TATDN2: variants seen among roughly 807,000 people sequenced by gnomAD.
TATDN2 encodes 3'-5' RNA nuclease TATDN2.
TATDN2 carries 44 observed loss-of-function variants against 60.3 expected under a neutral mutation model. That is an observed-to-expected ratio of 0.73 (90% CI 0.57 to 0.94). TATDN2 has a LOEUF of 0.94. Ranked by LOEUF, TATDN2 falls within the 40% of genes least tolerant of loss-of-function variation. TATDN2 has a pLI of 0.00. For synonymous variants in TATDN2, 399 were observed against 355.8 expected, an observed-to-expected ratio of 1.12 and a Z score of -1.37; for missense variants, 997 against 948.0, an observed-to-expected ratio of 1.05 and a Z score of -0.68.
At chr3:10,266,546 G>A (rs1349909222) in intron 3 of TATDN2, among the ~76,000 whole-genome samples, 1 of 152,202 alleles carries the variant, frequency 6.6e-6, no homozygotes, top group Non-Finnish European at 1.5e-5. Flanking sequence ...CTTCCTGTGT[G>A]TAAAATGGGC....
intron 2 of TATDN2, among the ~76,000 whole-genome samples, chr3:10,254,713 A>G (rs1164935403): frequency 6.6e-6 from 1 of 152,170 alleles, no homozygotes; most frequent in East Asian, 1.9e-4. Context: ...GAAATCCTTC[A>G]GGCTACTGGT....
chr3:10,274,211 A>G (rs1698603978), intron 4 of TATDN2, among the ~76,000 whole-genome samples: 1 of 152,138 alleles, frequency 6.6e-6, no homozygotes, highest in Non-Finnish European at 1.5e-5. Flanking sequence ...CTGCATTCTA[A>G]TGAGTTCTTC....
chr3:10,280,734 C>G lies in TATDN2; in HGVS notation c.*1552C>G, dbSNP rs1320690652. 1 of 153,820 alleles carries G rather than the reference C, an allele frequency of 6.5e-6. No individual in the cohort carries two copies. Among genetic ancestry groups the G allele is most frequent in the Non-Finnish European group, 1.5e-5 (1 of 68,096 alleles). 9.5% of individuals were successfully genotyped at this position (153,820 alleles called of 1,614,324 possible). On this transcript the variant is annotated 3_prime_UTR_variant, in exon 8 of 8. Transcript: ENST00000448281. The stretch of plus-strand genomic sequence containing the variant: ...TGTCCGTCTTCACGGATTAGCTGTG[C>G]TGTTATGTTGTCTGTGCTGCAGATT...
chr3:10,262,527 CTTTTTTTT>C (rs60747520), intron 3 of TATDN2, among the ~76,000 whole-genome samples: 13 of 59,984 alleles, frequency 2.2e-4, no homozygotes, highest in South Asian at 7.2e-4. Flanking sequence ...TTCTTCTGGG[CTTTTTTTT>C]TTTTTTTTTT....
intron 2 of TATDN2, among the ~76,000 whole-genome samples, chr3:10,249,977 A>G (rs1311082113): frequency 6.6e-6 from 1 of 152,130 alleles, no homozygotes; most frequent in African/African-American, 2.4e-5. Context: ...CCCGTTGGAG[A>G]ATCACTGCAG....
In TATDN2 at chr3:10,260,393, C is replaced by G. The variant is rs764868389; in HGVS notation, c.671C>G (p.Pro224Arg). The change falls in exon 3 of 8, where the codon CCA becomes CGA. Residue 224 changes from proline to arginine, a missense_variant. Transcript: ENST00000448281. ...AAEHPSHGEG[P>R]ARSEGPAKTA... Reference sequence around the variant, plus strand: ...GAGCATCCCAGCCATGGAGAAGGACCAGCCAGGAGTGAAGGACCAGCCAAG... The same window carrying G: ...GAGCATCCCAGCCATGGAGAAGGACGAGCCAGGAGTGAAGGACCAGCCAAG... The G allele has an allele frequency of 1.2e-6, 2 of 1,613,562 alleles. No individual in the cohort carries two copies. Among genetic ancestry groups the G allele is most frequent in the Non-Finnish European group, 1.7e-6 (2 of 1,179,914 alleles).
In TATDN2 at chr3:10,260,548, G is replaced by T; in HGVS notation, c.826G>T (p.Val276Phe). 6.2e-7 allele frequency: 1 copy of T among 1,614,188 alleles called. No homozygotes were observed. The highest frequency in any genetic ancestry group is 1.1e-5 in the South Asian group (1 of 91,074). The change falls in exon 3 of 8, where the codon GTT (valine) becomes TTT (phenylalanine). Residue 276 changes from valine (V) to phenylalanine (F), a missense_variant. By Grantham distance (50) the Val-to-Phe change is conservative. Coordinates refer to ENST00000448281, the MANE Select transcript of TATDN2 (RefSeq NM_014760.4). ...ERSSFYDRRV[V>F]IDPQEKPSEE... ...GAGCAGCTTCTATGACAGGAGAGTA[G>T]TTATAGACCCTCAAGAGAAACCCAG...
chr3:10,252,024 T>A (rs1158241211), intron 2 of TATDN2, among the ~76,000 whole-genome samples: 2 of 151,320 alleles, frequency 1.3e-5, no homozygotes, highest in Admixed American at 6.6e-5. Context: ...GGCGGGTGCC[T>A]GTAGTCCCAG....
chr3:10,265,635 T>C (rs900458944), intron 3 of TATDN2, among the ~76,000 whole-genome samples: 1 of 141,688 alleles, frequency 7.1e-6, no homozygotes, highest in Non-Finnish European at 1.5e-5. Context: ...TGAGCTGAGA[T>C]TGCACCACTG....
At chr3:10,255,739 T>G (rs1419393790) in intron 2 of TATDN2, among the ~76,000 whole-genome samples, 2 of 152,094 alleles carry the variant, frequency 1.3e-5, no homozygotes, top group Non-Finnish European at 2.9e-5. Context: ...GCTGGGAGTT[T>G]AAAACCAGCT....
In TATDN2 at chr3:10,272,918, G is replaced by T. The variant is rs151759; in HGVS notation, c.1833+1903G>T. On this transcript the variant is annotated intron_variant, in intron 4 of 7. Transcript: ENST00000448281. Reference sequence around the variant, plus strand: ...GCTGGGTGTGATGGTACATGCCTGGGGTCCCAGCTACTCAGGAGGCTGAGG... The same window carrying T: ...GCTGGGTGTGATGGTACATGCCTGGTGTCCCAGCTACTCAGGAGGCTGAGG... Among the ~76,000 whole-genome samples, 256 of 151,358 alleles carry T rather than the reference G, an allele frequency of 1.7e-3. 1 individual carries two copies. Among genetic ancestry groups the T allele is most frequent in the African/African-American group, 6.0e-3 (246 of 41,164 alleles).
At chr3:10,262,197 T>TCA (rs879279835) in intron 3 of TATDN2, among the ~76,000 whole-genome samples, 6 of 152,230 alleles carry the variant, frequency 3.9e-5, no homozygotes, top group African/African-American at 1.4e-4. Context: ...TCTGTTGTCC[T>TCA]GCTCTGGTCT....
chr3:10,255,143 G>A (rs546261331), intron 2 of TATDN2, among the ~76,000 whole-genome samples: 1 of 151,520 alleles, frequency 6.6e-6, no homozygotes, highest in African/African-American at 2.4e-5. Context: ...CCAAGTAGCT[G>A]GGACTACAGG....
intron 7 of TATDN2, 46 bp from the exon 8 acceptor site, chr3:10,279,175 A>T: frequency 8.7e-7 from 1 of 1,148,408 alleles, no homozygotes; most frequent in East Asian, 2.6e-5. Context: ...ATTTGTTTTG[A>T]GTGACATGGT....
intron 2 of TATDN2, among the ~76,000 whole-genome samples, chr3:10,257,359 G>T (rs186193201): frequency 0.01 from 1,524 of 147,572 alleles, 26 homozygotes; most frequent in African/African-American, 0.035. Flanking sequence ...GGCTGAGCGC[G>T]GTGGCTCACA....
intron 5 of TATDN2, 97 bp downstream of exon 5, chr3:10,276,585 T>C: frequency 6.9e-7 from 1 of 1,455,438 alleles, no homozygotes; most frequent in Non-Finnish European, 9.1e-7. Flanking sequence ...TTATACACTA[T>C]CTATTCTTTT....
chr3:10,256,824 C>T (rs868031942), intron 2 of TATDN2, among the ~76,000 whole-genome samples: 6 of 151,466 alleles, frequency 4.0e-5, no homozygotes, highest in South Asian at 2.1e-4. Context: ...CAAAATGGGA[C>T]GGAGGCAAGG....
Position 10,278,244 on chromosome 3 carries a change from C to A in TATDN2, c.1962-35C>A. Reference sequence around the variant, plus strand: ...GAGCTGGGGGCTGCTGCAGAGGGGACTGTGAGCAGCCCTGATGTGGAGTTC... The same window carrying A: ...GAGCTGGGGGCTGCTGCAGAGGGGAATGTGAGCAGCCCTGATGTGGAGTTC... On this transcript the variant is annotated intron_variant, in intron 5 of 7. Coordinates refer to ENST00000448281, the MANE Select transcript of TATDN2 (RefSeq NM_014760.4). This position sits in a 1 kb window ranked among gnomAD's most constrained non-coding sequence, Gnocchi z 4.7. 6.3e-7 allele frequency: 1 copy of A among 1,597,360 alleles called. No homozygotes were observed. The highest frequency in any genetic ancestry group is 1.1e-5 in the South Asian group (1 of 89,500).
intron 4 of TATDN2, among the ~76,000 whole-genome samples, chr3:10,274,928 C>T (rs964354238): frequency 1.3e-5 from 2 of 151,950 alleles, no homozygotes; most frequent in African/African-American, 4.8e-5. Flanking sequence ...AATTATGTTC[C>T]ACAGTTGTAG....
Sources: allele counts gnomAD v4.1 joint callset (sites outside exome capture counted in the v4.1 genomes callset), GRCh38; gene constraint gnomAD v4.1.1; non-coding constraint Gnocchi (gnomAD v3.1); transcripts MANE v1.5; gene names NCBI Gene and HGNC (gene_info 2026-07-23, HGNC 2026-07-21).